The following ZNF70 variants were observed in gnomAD, a reference collection of about 807,000 sequenced individuals.
ZNF70 encodes zinc finger protein 70.
A neutral mutation model predicts 37.7 loss-of-function variants in ZNF70; 18 were observed. The observed-to-expected ratio is 0.48, with a 90% CI of 0.33 to 0.71. ZNF70 has a LOEUF of 0.71. Among genes scored for constraint, ZNF70 ranks in the 30% least tolerant of loss-of-function variants. The probability of loss-of-function intolerance (pLI) is 0.02; values close to 1 mark genes in which losing one functional copy is unlikely to be tolerated. For synonymous variants in ZNF70, 219 were observed against 220.1 expected (o/e 0.99, Z 0.05); for missense variants, 506 against 568.6 (o/e 0.89, Z 1.12).
chr22:23,749,147 G>A lies in ZNF70; in HGVS notation c.-80+1564C>T, dbSNP rs775809557. The stretch of plus-strand genomic sequence containing the variant: ...GGAGGCCGAGGTGGGTGGATCATGA[G>A]GTCAGGAGTTCAAGACCAGCCTGGC... On this transcript the variant is annotated intron_variant, in intron 1 of 1. Transcript: ENST00000341976. Among the ~76,000 whole-genome samples, 106 of 151,534 alleles carry A rather than the reference G, an allele frequency of 7.0e-4. 1 individual carries two copies. The highest frequency in any genetic ancestry group is 1.7e-3 in the Admixed American group (26 of 15,192).
In ZNF70 at chr22:23,751,092, C is replaced by T. The variant is rs1008202247; in HGVS notation, c.-461G>A. 1.3e-5 allele frequency: 2 copies of T among 151,948 alleles called. No homozygotes were observed. Among genetic ancestry groups the T allele is most frequent in the African/African-American group, 4.8e-5 (2 of 41,400 alleles). The allele number at this position is 151,948 out of a possible 1,614,324, so 9.4% of individuals were successfully genotyped here. A position where few individuals can be genotyped will look rare whatever the true frequency, so the allele number is the denominator to read the frequency against. The stretch of plus-strand genomic sequence containing the variant: ...GGCCGACGCGGCCGACGCTGCCTGG[C>T]TCCACAGCAGCTGCTGACGCGGAGC... On this transcript the variant is annotated 5_prime_UTR_variant, in exon 1 of 2. Coordinates refer to ENST00000341976, the MANE Select transcript of ZNF70 (RefSeq NM_021916.4).
At chr22:23,749,833 C>A (rs973904854) in intron 1 of ZNF70, among the ~76,000 whole-genome samples, 2 of 152,110 alleles carry the variant, frequency 1.3e-5, no homozygotes, top group African/African-American at 4.8e-5. Flanking sequence ...CTCTCTCACT[C>A]AATTTGTGCT....
At position 23,740,071 on chromosome 22, in the gene ZNF70, G is replaced by C. The variant is rs1468060694; in HGVS notation, c.*3729C>G. ...CACACCTGTAATCCCAGCACTTTGG[G>C]AGGCCGAGGCGGGCGGATCACGAGC... On this transcript the variant is annotated 3_prime_UTR_variant, in exon 2 of 2. Coordinates refer to ENST00000341976, the MANE Select transcript of ZNF70 (RefSeq NM_021916.4). 1.3e-5 allele frequency: 2 copies of C among 151,748 alleles called. No homozygotes were observed. The highest frequency in any genetic ancestry group is 2.9e-5 in the Non-Finnish European group (2 of 67,966). 9.4% of individuals were successfully genotyped at this position (151,748 alleles called of 1,614,324 possible). A position where few individuals can be genotyped will look rare whatever the true frequency, so the allele number is the denominator to read the frequency against.
chr22:23,750,170 C>G (rs928017417), intron 1 of ZNF70, among the ~76,000 whole-genome samples: 2 of 152,182 alleles, frequency 1.3e-5, no homozygotes, highest in African/African-American at 4.8e-5. Context: ...TCTTCTCGGT[C>G]TTCACCTTCC....
In ZNF70 at chr22:23,738,682, T is replaced by C. The variant is rs1924791396; in HGVS notation, c.*5118A>G. On this transcript the variant is annotated 3_prime_UTR_variant, in exon 2 of 2. Transcript: ENST00000341976. ...TCAATATATCACTATTAAATATATA[T>C]GCCCCAAACATGATACTTATTTATT... 6.6e-6 allele frequency: 1 copy of C among 152,144 alleles called. No individual in the cohort carries two copies. The highest frequency in any genetic ancestry group is 6.6e-5 in the Admixed American group (1 of 15,262). 9.4% of individuals were successfully genotyped at this position (152,144 alleles called of 1,614,324 possible). A position where few individuals can be genotyped will look rare whatever the true frequency, so the allele number is the denominator to read the frequency against.
chr22:23,743,542 G>T lies in ZNF70; in HGVS notation c.*258C>A. On this transcript the variant is annotated 3_prime_UTR_variant, in exon 2 of 2. Transcript: ENST00000341976. The stretch of plus-strand genomic sequence containing the variant: ...GCTTGGGAGTCAAATGCAAGAAGGA[G>T]AAACTGAAGGCCAGCTGTCTTTTCT... 1 of 446,100 alleles carries T rather than the reference G, an allele frequency of 2.2e-6. No individual in the cohort carries two copies. The highest frequency in any genetic ancestry group is 3.9e-6 in the Non-Finnish European group (1 of 254,054). The allele number at this position is 446,100 out of a possible 1,614,324, so 27.6% of individuals were successfully genotyped here. A position where few individuals can be genotyped will look rare whatever the true frequency, so the allele number is the denominator to read the frequency against.
chr22:23,744,354 G>C lies in ZNF70; in HGVS notation c.787C>G (p.Gln263Glu). 2 of 1,614,156 alleles carry C rather than the reference G, an allele frequency of 1.2e-6. No individual in the cohort carries two copies. Among genetic ancestry groups the C allele is most frequent in the Non-Finnish European group, 1.7e-6 (2 of 1,180,022 alleles). Residue 263 changes from glutamine (Q) to glutamate (E), a missense_variant, in exon 2 of 2, where the codon CAG becomes GAG. By Grantham distance (29) the Gln-to-Glu change is conservative (BLOSUM62 2). Transcript: ENST00000341976. ...CGATGCTGGCTCAGGCCTGAGCTCTGGTTGAAGGATTTCCCACATTCCTTA... is the reference window on the plus strand; with the variant it reads ...CGATGCTGGCTCAGGCCTGAGCTCTCGTTGAAGGATTTCCCACATTCCTTA... ...QCKECGKSFN[Q>E]SSGLSQHRKI...
In ZNF70 at chr22:23,743,588, C is replaced by T; in HGVS notation, c.*212G>A. On this transcript the variant is annotated 3_prime_UTR_variant, in exon 2 of 2. Coordinates refer to ENST00000341976, the MANE Select transcript of ZNF70 (RefSeq NM_021916.4). The stretch of plus-strand genomic sequence containing the variant: ...TTTCTGGCTGCCCTCCCTATCACCC[C>T]ACCTTCCCTTCCATGCAGAAAACCT... 1.7e-6 allele frequency: 1 copy of T among 594,324 alleles called. No individual in the cohort carries two copies. The highest frequency in any genetic ancestry group is 2.8e-6 in the Non-Finnish European group (1 of 359,128). 36.8% of individuals were successfully genotyped at this position (594,324 alleles called of 1,614,324 possible).
Position 23,742,128 on chromosome 22 carries a change from G to C in ZNF70, c.*1672C>G, listed in dbSNP as rs1461076322. ...CCAGGCATGGTGGCACGCACCTGTA[G>C]TCCCAGCTACTCAGGAGGCTGAAGC... On this transcript the variant is annotated 3_prime_UTR_variant, in exon 2 of 2. Transcript: ENST00000341976. The C allele has an allele frequency of 6.6e-6, 1 of 152,444 alleles. No individual in the cohort carries two copies. Among genetic ancestry groups the C allele is most frequent in the African/African-American group, 2.4e-5 (1 of 41,434 alleles). 9.4% of individuals were successfully genotyped at this position (152,444 alleles called of 1,614,324 possible). A position where few individuals can be genotyped will look rare whatever the true frequency, so the allele number is the denominator to read the frequency against.
At chr22:23,746,202 T>G in intron 1 of ZNF70, among the ~76,000 whole-genome samples, 1 of 65,882 alleles carries the variant, frequency 1.5e-5, no homozygotes, top group Admixed American at 1.4e-4. Flanking sequence ...GGTGGTTCCC[T>G]TTTTTTTTTT....
rs1411582644 is a variant in ZNF70, at chr22:23,745,101, C to T, written c.40G>A (p.Ala14Thr). The T allele has an allele frequency of 1.2e-6, 2 of 1,613,912 alleles. No homozygotes were observed. The highest frequency in any genetic ancestry group is 1.3e-5 in the African/African-American group (1 of 74,916). ...PPATKFGETF[A>T]FENRLESQQG... The stretch of plus-strand genomic sequence containing the variant: ...TGTGACTCTAACCTGTTCTCAAATG[C>T]AAAGGTCTCACCAAACTTTGTTGCT... The change falls in exon 2 of 2, where the codon GCA becomes ACA. Residue 14 changes from alanine to threonine, a missense_variant. Coordinates refer to ENST00000341976, the MANE Select transcript of ZNF70 (RefSeq NM_021916.4).
Position 23,743,690 on chromosome 22 carries a change from G to A in ZNF70, c.*110C>T. ...GGGATGTTCAAGAGCGCTTAGGTGG[G>A]AAGGTTTCCATTCAGCATCAGGGAG... On this transcript the variant is annotated 3_prime_UTR_variant, in exon 2 of 2. Transcript: ENST00000341976. The A allele has an allele frequency of 6.9e-7, 1 of 1,447,180 alleles. No individual in the cohort carries two copies. Among genetic ancestry groups the A allele is most frequent in the South Asian group, 1.4e-5 (1 of 72,218 alleles). The allele number at this position is 1,447,180 out of a possible 1,614,324, so 89.6% of individuals were successfully genotyped here. A position where few individuals can be genotyped will look rare whatever the true frequency, so the allele number is the denominator to read the frequency against.
intron 1 of ZNF70, among the ~76,000 whole-genome samples, chr22:23,748,939 T>C (rs959122675): frequency 3.3e-5 from 5 of 151,786 alleles, no homozygotes; most frequent in Non-Finnish European, 7.4e-5. Flanking sequence ...TTTTCCAGAA[T>C]GGAGTGCAGT....
chr22:23,745,132 A>G lies in ZNF70; in HGVS notation c.9T>C (p.Val3=), dbSNP rs2070451. The G allele has an allele frequency of 6.2e-7, 1 of 1,611,174 alleles. No individual in the cohort carries two copies. The highest frequency in any genetic ancestry group is 1.3e-5 in the African/African-American group (1 of 74,820). The part of the protein sequence containing the change: ME[V]PPATKFGETF... The stretch of plus-strand genomic sequence containing the variant: ...TCTCACCAAACTTTGTTGCTGGGGG[A>G]ACCTCCATTGTGAATCTGCTATCAT... Residue 3 remains valine (V), a synonymous_variant, in exon 2 of 2, where the codon GTT becomes GTC. Transcript: ENST00000341976.
chr22:23,744,085 A>G lies in ZNF70; in HGVS notation c.1056T>C (p.Ile352=). Residue 352 remains isoleucine, a synonymous_variant, in exon 2 of 2, where the codon ATT becomes ATC. Transcript: ENST00000341976. ...GKAFSQSSSL[I]EHQRIHTGEK... Reference sequence around the variant, plus strand: ...CACCGGTGTGGATGCGCTGGTGCTCAATGAGGGAGGAGCTCTGGCTGAAGG... The same window carrying G: ...CACCGGTGTGGATGCGCTGGTGCTCGATGAGGGAGGAGCTCTGGCTGAAGG... The G allele has an allele frequency of 6.2e-7, 1 of 1,612,224 alleles. No individual in the cohort carries two copies. Among genetic ancestry groups the G allele is most frequent in the Middle Eastern group, 1.7e-4 (1 of 6,054 alleles).
In ZNF70 at chr22:23,744,408, T is replaced by G; in HGVS notation, c.733A>C (p.Ile245Leu). Reference sequence around the variant, plus strand: ...TGATAAGGTCTCTCTCCTGTATGAATTCTCTCGTGTTTTCTGAGGCTGGAG... The same window carrying G: ...TGATAAGGTCTCTCTCCTGTATGAAGTCTCTCGTGTTTTCTGAGGCTGGAG... Reference protein sequence around the residue: ...RSSSLRKHERIHTGERPYQCK... With the variant: ...RSSSLRKHERLHTGERPYQCK... The change falls in exon 2 of 2, where the codon ATT becomes CTT. Residue 245 changes from isoleucine (I) to leucine (L), a missense_variant. Coordinates refer to ENST00000341976, the MANE Select transcript of ZNF70 (RefSeq NM_021916.4). The G allele has an allele frequency of 6.2e-7, 1 of 1,614,094 alleles. No homozygotes were observed. Among genetic ancestry groups the G allele is most frequent in the Non-Finnish European group, 8.5e-7 (1 of 1,180,012 alleles).
rs1242320336 is a variant in ZNF70, at chr22:23,740,827, G to C, written c.*2973C>G. 1 of 151,600 alleles carries C rather than the reference G, an allele frequency of 6.6e-6. No homozygotes were observed. Among genetic ancestry groups the C allele is most frequent in the African/African-American group, 2.4e-5 (1 of 41,244 alleles). The allele number at this position is 151,600 out of a possible 1,614,324, so 9.4% of individuals were successfully genotyped here. A position where few individuals can be genotyped will look rare whatever the true frequency, so the allele number is the denominator to read the frequency against. ...TTTGAACAGAGGGAATGAGGCTCTG[G>C]TCATACTTCCAAAAAAGAACCTGGT... On this transcript the variant is annotated 3_prime_UTR_variant, in exon 2 of 2. Coordinates refer to ENST00000341976, the MANE Select transcript of ZNF70 (RefSeq NM_021916.4).
chr22:23,749,400 T>G (rs1601323189), intron 1 of ZNF70, among the ~76,000 whole-genome samples: 1 of 100,510 alleles, frequency 9.9e-6, no homozygotes, highest in African/African-American at 3.9e-5. Flanking sequence ...TGGTGGCAGG[T>G]GCCTGTAGTC....
At chr22:23,750,593 C>G (rs1048799063) in intron 1 of ZNF70, 118 bp downstream of exon 1, 1 of 152,384 alleles carries the variant, frequency 6.6e-6, no homozygotes, top group South Asian at 2.1e-4. Context: ...CACTATATAG[C>G]CCCTACACCC....
Sources: gnomAD v4.1 joint callset for allele counts (sites outside exome capture counted in the v4.1 genomes callset) on GRCh38, gnomAD v4.1.1 for gene constraint, MANE v1.5 for transcripts, NCBI Gene and HGNC (gene_info 2026-07-23, HGNC 2026-07-21) for gene names.